The following FER variants were observed in gnomAD, a reference collection of about 807,000 sequenced individuals.
FER encodes FER tyrosine kinase.
In FER, 63 loss-of-function variants were observed where a neutral mutation model predicts 111.0. That is an observed-to-expected ratio of 0.57 (90% CI 0.46 to 0.70). FER has a LOEUF of 0.70. Ranked by LOEUF, FER falls within the 30% of genes least tolerant of loss-of-function variation. FER has a pLI of 0.00. For missense variants in FER, 914 were observed against 954.0 expected (o/e 0.96, Z 0.55); for synonymous variants, 327 against 313.9 (o/e 1.04, Z -0.44).
At chr5:108,936,115 A>T (rs879730870) in intron 10 of FER, among the ~76,000 whole-genome samples, 6 of 152,032 alleles carry the variant, frequency 3.9e-5, no homozygotes, top group Non-Finnish European at 8.8e-5. Flanking sequence ...CAAATCACTT[A>T]GTATTTCTAG....
At chr5:109,067,104 C>T (rs1462945031) in intron 16 of FER, among the ~76,000 whole-genome samples, 4 of 152,150 alleles carry the variant, frequency 2.6e-5, no homozygotes, top group African/African-American at 7.2e-5. Context: ...AGAGTGACTG[C>T]GGCTCAGTGA....
chr5:109,025,471 G>C (rs1434810417), intron 13 of FER, among the ~76,000 whole-genome samples: 6 of 152,064 alleles, frequency 3.9e-5, no homozygotes, highest in Admixed American at 3.3e-4. Flanking sequence ...CATTGATTTT[G>C]TATCCTGAGA....
At chr5:108,988,393 T>C (rs1336451438) in intron 13 of FER, among the ~76,000 whole-genome samples, 1 of 152,182 alleles carries the variant, frequency 6.6e-6, no homozygotes, top group African/African-American at 2.4e-5. Context: ...TCTGATAGAA[T>C]TCAGCTGTGA....
intron 4 of FER, among the ~76,000 whole-genome samples, chr5:108,835,189 C>T (rs541036054): frequency 8.8e-6 from 1 of 113,292 alleles, no homozygotes; most frequent in Admixed American, 8.4e-5. Context: ...GCGCCACCCC[C>T]CCCCCCCCAC....
chr5:109,056,876 T>TTTTCTTTTTC (rs1275981453), intron 16 of FER, among the ~76,000 whole-genome samples: 1 of 152,206 alleles, frequency 6.6e-6, no homozygotes, highest in African/African-American at 2.4e-5. Context: ...CAGGTAGTAT[T>TTTTCTTTTTC]AGTCCGGTTT....
At chr5:108,984,735 T>C (rs1762380906) in intron 13 of FER, among the ~76,000 whole-genome samples, 1 of 152,092 alleles carries the variant, frequency 6.6e-6, no homozygotes, top group South Asian at 2.1e-4. Flanking sequence ...TAACAAAGGC[T>C]ATATCAAAAA....
chr5:108,798,846 C>G (rs1756332354), intron 3 of FER, among the ~76,000 whole-genome samples: 1 of 152,096 alleles, frequency 6.6e-6, no homozygotes, highest in Admixed American at 6.5e-5. Flanking sequence ...AAAAAATTCC[C>G]TAATTTTTTG....
intron 2 of FER, among the ~76,000 whole-genome samples, chr5:108,787,364 C>T (rs562144965): frequency 4.6e-5 from 7 of 152,150 alleles, no homozygotes; most frequent in Non-Finnish European, 8.8e-5. Flanking sequence ...AGCCTGCAGG[C>T]GCCTCTTGGG....
At chr5:109,035,799 C>G (rs1770305223) in intron 13 of FER, among the ~76,000 whole-genome samples, 1 of 152,164 alleles carries the variant, frequency 6.6e-6, no homozygotes, top group Non-Finnish European at 1.5e-5. Context: ...ACAGTTGCTC[C>G]ACACCCTCAC....
chr5:108,924,852 A>C (rs1342100735), intron 10 of FER: 1 of 1,169,626 alleles, frequency 8.5e-7, no homozygotes, highest in Non-Finnish European at 1.1e-6. Context: ...CTAAGAGTCC[A>C]GCAGGTCATC....
chr5:108,812,354 TG>T (rs1757851971), intron 3 of FER, among the ~76,000 whole-genome samples: 1 of 152,200 alleles, frequency 6.6e-6, no homozygotes, highest in Non-Finnish European at 1.5e-5. Context: ...TAACATTCTT[TG>T]TTGTGAAATG....
chr5:108,870,379 A>G (rs560644787), intron 6 of FER, among the ~76,000 whole-genome samples: 1 of 152,232 alleles, frequency 6.6e-6, no homozygotes, highest in Admixed American at 6.5e-5. Context: ...GCTCATTTAC[A>G]TTAGCAACAT....
At chr5:108,754,642 A>G (rs1340464457) in intron 1 of FER, among the ~76,000 whole-genome samples, 1 of 152,194 alleles carries the variant, frequency 6.6e-6, no homozygotes, top group African/African-American at 2.4e-5. Context: ...TGAACATGTA[A>G]AAATATTTAG....
intron 13 of FER, among the ~76,000 whole-genome samples, chr5:109,011,048 G>C (rs1399519910): frequency 6.6e-6 from 1 of 152,050 alleles, no homozygotes; most frequent in South Asian, 2.1e-4. Flanking sequence ...CATTCTTTTA[G>C]GTTTTTAAAT....
intron 13 of FER, among the ~76,000 whole-genome samples, chr5:109,024,800 G>C (rs891746754): frequency 2.0e-5 from 3 of 152,004 alleles, no homozygotes; most frequent in Non-Finnish European, 4.4e-5. Context: ...TTTTGTATAA[G>C]GTGTAAGGAA....
intron 10 of FER, among the ~76,000 whole-genome samples, chr5:108,905,046 A>AT (rs1750557063): frequency 6.6e-6 from 1 of 152,108 alleles, no homozygotes; most frequent in Non-Finnish European, 1.5e-5. Context: ...GATTATAATC[A>AT]TTTTCCAAAT....
intron 17 of FER, among the ~76,000 whole-genome samples, chr5:109,108,598 A>T (rs1561904499): frequency 6.6e-6 from 1 of 152,288 alleles, no homozygotes; most frequent in East Asian, 1.9e-4. Context: ...AACAGGCAGG[A>T]GATCAATCTC....
At chr5:108,831,140 GA>G (rs1359009119) in intron 3 of FER, among the ~76,000 whole-genome samples, 1 of 152,142 alleles carries the variant, frequency 6.6e-6, no homozygotes, top group Non-Finnish European at 1.5e-5. Flanking sequence ...TGGCTTGCAA[GA>G]AATCTTCTCG....
chr5:108,788,162 A>G (rs73780571), intron 2 of FER, among the ~76,000 whole-genome samples: 3,281 of 152,216 alleles, frequency 0.022, 114 homozygotes, highest in African/African-American at 0.075. Context: ...TTCTGGTGCC[A>G]TCGTTTTCCC....
Sources: allele counts gnomAD v4.1 joint callset (sites outside exome capture counted in the v4.1 genomes callset), GRCh38; gene constraint gnomAD v4.1.1; transcripts MANE v1.5; gene names NCBI Gene and HGNC (gene_info 2026-07-23, HGNC 2026-07-21).